The following ZNF654 variants were observed in gnomAD, a reference collection of about 807,000 sequenced individuals.
ZNF654 encodes zinc finger protein 654, also known as melanoma-associated antigen.
A neutral mutation model predicts 95.3 loss-of-function variants in ZNF654; 19 were observed. That is an observed-to-expected ratio of 0.20 (90% CI 0.14 to 0.29). The LOEUF (loss-of-function observed/expected upper bound fraction) is 0.29. Ranked by LOEUF, ZNF654 falls within the 10% of genes least tolerant of loss-of-function variation. The pLI is 1.00. For synonymous variants in ZNF654, 413 were observed against 457.9 expected, an observed-to-expected ratio of 0.90 and a Z score of 1.25; for missense variants, 1,046 against 1,341.0, an observed-to-expected ratio of 0.78 and a Z score of 3.44.
At chr3:88,095,521 CT>C (rs1416074174) in intron 2 of ZNF654, 1 of 488,268 alleles carries the variant, frequency 2.0e-6, no homozygotes, top group Non-Finnish European at 4.1e-6. Context: ...ACATTAGCTT[CT>C]TTTGCAAGAA....
chr3:88,063,948 A>C (rs183642324), intron 1 of ZNF654, among the ~76,000 whole-genome samples: 1 of 152,152 alleles, frequency 6.6e-6, no homozygotes, highest in African/African-American at 2.4e-5. Context: ...AACTTGTCCT[A>C]AATCCTACTT....
intron 2 of ZNF654, among the ~76,000 whole-genome samples, chr3:88,111,741 C>A (rs1374253977): frequency 2.0e-5 from 3 of 151,918 alleles, no homozygotes; most frequent in Non-Finnish European, 4.4e-5. Context: ...GGTATGTGTA[C>A]ATTTTAAATT....
At position 88,140,609 on chromosome 3, in the gene ZNF654, C is replaced by T. The variant is rs746479451; in HGVS notation, c.2940C>T (p.His980=). 5.0e-6 allele frequency: 8 copies of T among 1,613,540 alleles called. No homozygotes were observed. Among genetic ancestry groups the T allele is most frequent in the South Asian group, 4.4e-5 (4 of 91,070 alleles). The change falls in exon 8 of 9, where the codon CAC becomes CAT. Residue 980 remains histidine, a synonymous_variant. Coordinates refer to ENST00000636215, the MANE Select transcript of ZNF654 (RefSeq NM_001350134.2). ...GTAGTAGTGATATAGTCAATGGACA[C>T]AGTGAAATAGAGCAAACACCTTTAG... ...NCSSSDIVNG[H]SEIEQTPLVS...
intron 1 of ZNF654, among the ~76,000 whole-genome samples, chr3:88,081,081 C>G (rs1461706507): frequency 6.6e-6 from 1 of 152,038 alleles, no homozygotes; most frequent in East Asian, 1.9e-4. Context: ...GAGCACTGAT[C>G]AGTTATTAAT....
chr3:88,143,905 C>T lies in ZNF654; in HGVS notation c.*2253C>T, dbSNP rs1334184256. ...ATCTGTCTTTTAAAACATAAACCTACATCATTTTGCTTTTATAGGGTGCAT... is the reference window on the plus strand; with the variant it reads ...ATCTGTCTTTTAAAACATAAACCTATATCATTTTGCTTTTATAGGGTGCAT... On this transcript the variant is annotated 3_prime_UTR_variant, in exon 9 of 9. Transcript: ENST00000636215. 1 of 151,962 alleles carries T rather than the reference C, an allele frequency of 6.6e-6. No individual in the cohort carries two copies. Among genetic ancestry groups the T allele is most frequent in the Admixed American group, 6.6e-5 (1 of 15,256 alleles). The allele number at this position is 151,962 out of a possible 1,614,324, so 9.4% of individuals were successfully genotyped here. A position where few individuals can be genotyped will look rare whatever the true frequency, so the allele number is the denominator to read the frequency against.
rs553826167 is a variant in ZNF654, at chr3:88,122,988, C to T, written c.415-3146C>T. On this transcript the variant is annotated intron_variant, in intron 3 of 8. Transcript: ENST00000636215. ...TTGCACCATTGCACTCCTGCCTGGG[C>T]GACAGAGTGAGGCTCTGAGTCTCAA... Among the ~76,000 whole-genome samples, 20 of 137,666 alleles carry T rather than the reference C, an allele frequency of 1.5e-4. No homozygotes were observed. In the South Asian group the frequency reaches 1.6e-3, roughly 11 times the overall value. 90.3% of individuals were successfully genotyped at this position (137,666 alleles called of 152,430 possible). A position where few individuals can be genotyped will look rare whatever the true frequency, so the allele number is the denominator to read the frequency against.
chr3:88,099,523 A>G lies in ZNF654; in HGVS notation c.332+13121A>G, dbSNP rs139099571. Among the ~76,000 whole-genome samples the G allele has an allele frequency of 1.9e-4, 28 of 150,360 alleles. No homozygotes were observed. In the East Asian group the frequency reaches 5.2e-3, roughly 28 times the overall value. On this transcript the variant is annotated intron_variant, in intron 2 of 8. Transcript: ENST00000636215. ...AAAAAGAGCCCGCATTGCCAAGACA[A>G]TCCTAAGCCAAAGAACAAAGCTGGA...
intron 6 of ZNF654, among the ~76,000 whole-genome samples, chr3:88,132,316 A>G (rs560664051): frequency 6.6e-6 from 1 of 152,290 alleles, no homozygotes; most frequent in Non-Finnish European, 1.5e-5. Flanking sequence ...CTTAATGGTA[A>G]TATTAGTAGT....
At chr3:88,065,023 ATAAT>A (rs1559685446) in intron 1 of ZNF654, among the ~76,000 whole-genome samples, 1 of 152,262 alleles carries the variant, frequency 6.6e-6, no homozygotes, top group African/African-American at 2.4e-5. Context: ...TGCATTGATA[ATAAT>A]TTTTAATTGC....
At position 88,059,439 on chromosome 3, in the gene ZNF654, T is replaced by G. The variant is rs1247840831; in HGVS notation, c.120T>G (p.Ala40=). The part of the protein sequence containing the change: ...LRAAGDGRGG[A]GSGNCGGGVG... ...CTGCGGGCGACGGCAGAGGCGGCGC[T>G]GGCAGCGGCAACTGCGGCGGCGGCG... The change falls in exon 1 of 9, where the codon GCT becomes GCG. Residue 40 remains alanine, a synonymous_variant. Transcript: ENST00000636215. 6.6e-7 allele frequency: 1 copy of G among 1,521,192 alleles called. No homozygotes were observed. Among genetic ancestry groups the G allele is most frequent in the South Asian group, 1.2e-5 (1 of 82,730 alleles). The allele number at this position is 1,521,192 out of a possible 1,614,324, so 94.2% of individuals were successfully genotyped here.
At position 88,144,114 on chromosome 3, in the gene ZNF654, G is replaced by C. The variant is rs898787344; in HGVS notation, c.*2462G>C. ...AATGTTAAATTTCTGCTGTGTGTCA[G>C]TAAGGTGAAGAAAATAGCAAATCTG... On this transcript the variant is annotated 3_prime_UTR_variant, in exon 9 of 9. Coordinates refer to ENST00000636215, the MANE Select transcript of ZNF654 (RefSeq NM_001350134.2). 1 of 152,318 alleles carries C rather than the reference G, an allele frequency of 6.6e-6. No homozygotes were observed. The highest frequency in any genetic ancestry group is 2.4e-5 in the African/African-American group (1 of 41,428). The allele number at this position is 152,318 out of a possible 1,614,324, so 9.4% of individuals were successfully genotyped here.
intron 7 of ZNF654, among the ~76,000 whole-genome samples, chr3:88,137,194 C>CAAAAA (rs11401199): frequency 7.1e-5 from 5 of 70,740 alleles, no homozygotes; most frequent in African/African-American, 1.3e-4. Flanking sequence ...GACTCTGTCT[C>CAAAAA]AAAAAAAAAA....
chr3:88,070,842 T>A (rs1264088955), intron 1 of ZNF654, among the ~76,000 whole-genome samples: 2 of 152,206 alleles, frequency 1.3e-5, no homozygotes, highest in Non-Finnish European at 2.9e-5. Flanking sequence ...ATTAAGCAAC[T>A]ACCTTAAGAC....
chr3:88,130,679 C>T (rs1381296804), intron 6 of ZNF654, among the ~76,000 whole-genome samples: 4 of 142,972 alleles, frequency 2.8e-5, no homozygotes, highest in Non-Finnish European at 6.0e-5. Context: ...CGGTTTGGAA[C>T]TCCTTGGGCT....
chr3:88,088,757 TATGTATGGATGGATGGATGGATGG>T (rs1708475327), intron 2 of ZNF654, among the ~76,000 whole-genome samples: 13 of 94,330 alleles, frequency 1.4e-4, no homozygotes, highest in Non-Finnish European at 2.3e-4. Context: ...TGTATGTATG[TATGTATGGATGGATGGATGGATGG>T]ATGGATGGAT....
chr3:88,070,708 C>T (rs1707463090), intron 1 of ZNF654, among the ~76,000 whole-genome samples: 1 of 151,252 alleles, frequency 6.6e-6, no homozygotes, highest in Admixed American at 6.6e-5. Flanking sequence ...TACTTTTTGG[C>T]CCCTTAAGAA....
chr3:88,116,380 C>T (rs999976061), intron 3 of ZNF654, among the ~76,000 whole-genome samples: 9 of 151,726 alleles, frequency 5.9e-5, no homozygotes, highest in Admixed American at 2.6e-4. Flanking sequence ...ATTAGCAGGT[C>T]GTGGCGGCTC....
intron 3 of ZNF654, among the ~76,000 whole-genome samples, chr3:88,115,580 G>A (rs1705341154): frequency 6.6e-6 from 1 of 152,096 alleles, no homozygotes; most frequent in Non-Finnish European, 1.5e-5. Context: ...CAAGCTATTA[G>A]ATTTATTATT....
intron 1 of ZNF654, among the ~76,000 whole-genome samples, chr3:88,068,414 G>A (rs1254369196): frequency 2.0e-5 from 3 of 152,018 alleles, no homozygotes; most frequent in Non-Finnish European, 2.9e-5. Flanking sequence ...ATAGACAGGT[G>A]CACAAAATTG....
Sources: gnomAD v4.1 joint callset for allele counts (sites outside exome capture counted in the v4.1 genomes callset) on GRCh38, gnomAD v4.1.1 for gene constraint, MANE v1.5 for transcripts, NCBI Gene and HGNC (gene_info 2026-07-23, HGNC 2026-07-21) for gene names.